The following GLO1 variants were observed in gnomAD, a reference collection of about 807,000 sequenced individuals.
The protein encoded by GLO1 is glyoxalase I.
A neutral mutation model predicts 26.0 loss-of-function variants in GLO1; 28 were observed. The ratio of observed to expected loss-of-function variants is 1.08; its 90% confidence interval spans 0.80 to 1.48. The LOEUF is 1.48. Ranked by LOEUF, GLO1 falls within the 40% of genes most tolerant of loss-of-function variation. GLO1 has a pLI of 0.00. For missense variants in GLO1, 225 were observed against 224.8 expected (o/e 1.00, Z -0.01); for synonymous variants, 78 against 77.6 (o/e 1.00, Z -0.03).
intron 3 of GLO1, chr6:38,683,105 G>GAAT (rs1761407780): frequency 2.1e-6 from 1 of 477,678 alleles, no homozygotes; most frequent in East Asian, 3.1e-5. Context: ...ACAATAATAA[G>GAAT]AATAATAATA....
chr6:38,689,722 G>A (rs932075208), intron 1 of GLO1, among the ~76,000 whole-genome samples: 10 of 152,094 alleles, frequency 6.6e-5, no homozygotes, highest in South Asian at 4.1e-4. Flanking sequence ...TGAGACGGGC[G>A]GATCACGAGG....
chr6:38,685,486 T>G (rs1045021231), intron 2 of GLO1, among the ~76,000 whole-genome samples: 1 of 152,218 alleles, frequency 6.6e-6, no homozygotes, highest in East Asian at 1.9e-4. Context: ...TTGTTCATAA[T>G]CAATAAGAGC....
intron 1 of GLO1, among the ~76,000 whole-genome samples, chr6:38,690,251 A>G (rs907339086): frequency 3.9e-5 from 6 of 152,182 alleles, no homozygotes; most frequent in Non-Finnish European, 7.3e-5. Context: ...CTTCACAACA[A>G]GCCCATGAGA....
At chr6:38,690,503 T>G (rs1761514504) in intron 1 of GLO1, among the ~76,000 whole-genome samples, 1 of 152,172 alleles carries the variant, frequency 6.6e-6, no homozygotes, top group African/African-American at 2.4e-5. Flanking sequence ...TCTAATGGCA[T>G]GGGAATATAT....
intron 1 of GLO1, among the ~76,000 whole-genome samples, chr6:38,691,255 C>T (rs377542029): frequency 2.6e-4 from 40 of 151,594 alleles, no homozygotes; most frequent in South Asian, 6.3e-4. Context: ...AGGTTTTTTT[C>T]GGGGGGAGGG....
At chr6:38,683,030 G>A in intron 3 of GLO1, 155 bp from the exon 4 acceptor site, 2 of 566,472 alleles carry the variant, frequency 3.5e-6, no homozygotes, top group Non-Finnish European at 6.4e-6. Flanking sequence ...CTATAGAAAG[G>A]ACAAATGGCC....
intron 1 of GLO1, among the ~76,000 whole-genome samples, chr6:38,693,683 C>CTATATA (rs1287585297): frequency 1.8e-3 from 150 of 82,414 alleles, no homozygotes; most frequent in African/African-American, 4.6e-3. Flanking sequence ...CTCTCTCTCT[C>CTATATA]TCTATATATA....
At chr6:38,678,607 C>T (rs1562479812) in intron 5 of GLO1, among the ~76,000 whole-genome samples, 1 of 152,126 alleles carries the variant, frequency 6.6e-6, no homozygotes, top group Non-Finnish European at 1.5e-5. Flanking sequence ...TCCCTCACTG[C>T]TGTGTGCATC....
chr6:38,689,515 G>C (rs1247871357), intron 1 of GLO1, among the ~76,000 whole-genome samples: 7 of 152,156 alleles, frequency 4.6e-5, no homozygotes, highest in Admixed American at 3.3e-4. Flanking sequence ...CTTAGGCACA[G>C]CATGTATTTT....
intron 5 of GLO1, among the ~76,000 whole-genome samples, chr6:38,678,854 A>G (rs3799703): frequency 0.49 from 73,999 of 151,730 alleles, 18,347 homozygotes; most frequent in Non-Finnish European, 0.54. Flanking sequence ...GGTGAAATAA[A>G]TTTAAGTCTC....
chr6:38,693,835 C>G (rs1042001339), intron 1 of GLO1, among the ~76,000 whole-genome samples: 6 of 151,908 alleles, frequency 3.9e-5, no homozygotes, highest in Non-Finnish European at 8.8e-5. Context: ...TTCAGCCTCC[C>G]GAGTAGCTGG....
intron 1 of GLO1, among the ~76,000 whole-genome samples, chr6:38,692,188 T>C (rs1395086130): frequency 6.6e-6 from 1 of 152,170 alleles, no homozygotes; most frequent in Admixed American, 6.5e-5. Context: ...ACAATAAATC[T>C]CTCCATTTAT....
At chr6:38,677,678 G>T (rs947448648) in intron 5 of GLO1, among the ~76,000 whole-genome samples, 2 of 152,166 alleles carry the variant, frequency 1.3e-5, no homozygotes, top group Non-Finnish European at 1.5e-5. Context: ...GCCTCCCAAA[G>T]TGGTGGGATT....
At chr6:38,691,558 T>C (rs1233987706) in intron 1 of GLO1, among the ~76,000 whole-genome samples, 1 of 152,100 alleles carries the variant, frequency 6.6e-6, no homozygotes, top group Non-Finnish European at 1.5e-5. Context: ...CCACCCGCCT[T>C]GACCTCCCAA....
chr6:38,686,977 A>G lies in GLO1; in HGVS notation c.85-3T>C, dbSNP rs1384886970. 1.3e-6 allele frequency: 2 copies of G among 1,589,150 alleles called. No individual in the cohort carries two copies. The highest frequency in any genetic ancestry group is 8.6e-7 in the Non-Finnish European group (1 of 1,161,834). On this transcript the variant is annotated splice_region_variant and splice_polypyrimidine_tract_variant and intron_variant, in intron 1 of 5. Transcript: ENST00000373365. ...ATGGTCTGCTGCAATAGAAAATCCT[A>G]TGGAAAAATATTTATATTAAACATC...
chr6:38,684,287 T>A (rs558029910), intron 3 of GLO1, 87 bp downstream of exon 3: 3 of 538,542 alleles, frequency 5.6e-6, no homozygotes, highest in Non-Finnish European at 8.4e-6. Context: ...GTTTGAATTA[T>A]ACTGGTCAGT....
chr6:38,680,414 G>A (rs1298470289), intron 5 of GLO1, among the ~76,000 whole-genome samples: 21 of 152,256 alleles, frequency 1.4e-4, no homozygotes, highest in African/African-American at 4.3e-4. Context: ...CCAGCTACTC[G>A]GGAGGCTGAG....
At chr6:38,680,180 A>G (rs1761350062) in intron 5 of GLO1, among the ~76,000 whole-genome samples, 2 of 152,236 alleles carry the variant, frequency 1.3e-5, no homozygotes, top group Admixed American at 1.3e-4. Flanking sequence ...CTTCAGACAT[A>G]AAGGCATCAT....
At chr6:38,678,695 C>CT (rs758610771) in intron 5 of GLO1, among the ~76,000 whole-genome samples, 2 of 152,234 alleles carry the variant, frequency 1.3e-5, no homozygotes, top group Admixed American at 6.5e-5. Context: ...TTGTGAGAAA[C>CT]TGAGAAAAAC....
Sources: gnomAD v4.1 joint callset for allele counts (sites outside exome capture counted in the v4.1 genomes callset) on GRCh38, gnomAD v4.1.1 for gene constraint, MANE v1.5 for transcripts, NCBI Gene and HGNC (gene_info 2026-07-23, HGNC 2026-07-21) for gene names.